The following LVRN variants were observed in gnomAD, a reference collection of about 807,000 sequenced individuals.
LVRN encodes laeverin.
A neutral mutation model predicts 111.4 loss-of-function variants in LVRN; 99 were observed. The observed-to-expected ratio is 0.89, with a 90% CI of 0.76 to 1.05. The LOEUF is 1.05. LVRN is among the 50% of genes least tolerant of loss of function. LVRN has a pLI of 0.00. For missense variants in LVRN, 1,414 were observed against 1,206.8 expected (o/e 1.17, Z -2.54); for synonymous variants, 488 against 449.5 (o/e 1.09, Z -1.08).
At chr5:115,995,894 C>A (rs1411542927) in intron 6 of LVRN, among the ~76,000 whole-genome samples, 1 of 152,178 alleles carries the variant, frequency 6.6e-6, no homozygotes. Flanking sequence ...CTTTTAACCA[C>A]TGTGCTCTAT....
In LVRN at chr5:115,962,668, G is replaced by A. The variant is rs1415347678; in HGVS notation, c.51G>A (p.Leu17=). The change falls in exon 1 of 20, where the codon CTG becomes CTA. Residue 17 remains leucine, a synonymous_variant. Transcript: ENST00000357872. ...SGFYVSRAVA[L]LLAGLVAALL... ...TCTATGTGAGCCGCGCAGTGGCCCTGCTGCTGGCTGGGCTGGTAGCCGCCC... is the reference window on the plus strand; with the variant it reads ...TCTATGTGAGCCGCGCAGTGGCCCTACTGCTGGCTGGGCTGGTAGCCGCCC... 1 of 1,610,042 alleles carries A rather than the reference G, an allele frequency of 6.2e-7. No homozygotes were observed. Among genetic ancestry groups the A allele is most frequent in the Non-Finnish European group, 8.5e-7 (1 of 1,179,480 alleles).
intron 1 of LVRN, among the ~76,000 whole-genome samples, chr5:115,971,064 A>G (rs961363276): frequency 3.9e-5 from 6 of 152,188 alleles, no homozygotes; most frequent in African/African-American, 1.4e-4. Context: ...TAATAGGTGT[A>G]TAGTGTTCTT....
At chr5:116,018,475 C>G (rs1261940248) in intron 18 of LVRN, among the ~76,000 whole-genome samples, 2 of 152,084 alleles carry the variant, frequency 1.3e-5, no homozygotes, top group Non-Finnish European at 2.9e-5. Context: ...GAGTTCGTGA[C>G]CAGCCTGACC....
chr5:115,981,499 C>A (rs1386114368), intron 1 of LVRN, among the ~76,000 whole-genome samples: 2 of 151,984 alleles, frequency 1.3e-5, no homozygotes, highest in African/African-American at 2.4e-5. Context: ...ACATGAGATA[C>A]TTTGATATAG....
chr5:115,970,012 T>G (rs1242271248), intron 1 of LVRN, among the ~76,000 whole-genome samples: 1 of 151,466 alleles, frequency 6.6e-6, no homozygotes, highest in African/African-American at 2.5e-5. Context: ...TGGGTTATCA[T>G]GCACATTTTG....
chr5:115,966,093 A>G (rs1044380657), intron 1 of LVRN, among the ~76,000 whole-genome samples: 1 of 152,220 alleles, frequency 6.6e-6, no homozygotes, highest in African/African-American at 2.4e-5. Context: ...TGACATTGGT[A>G]CTATGCATAT....
intron 6 of LVRN, among the ~76,000 whole-genome samples, chr5:115,997,801 T>C (rs536579236): frequency 7.2e-5 from 11 of 152,348 alleles, no homozygotes; most frequent in African/African-American, 2.2e-4. Flanking sequence ...GCTGACATCA[T>C]GTTTTATGTA....
chr5:115,978,494 C>A (rs1012075255), intron 1 of LVRN, among the ~76,000 whole-genome samples: 1 of 152,068 alleles, frequency 6.6e-6, no homozygotes, highest in Non-Finnish European at 1.5e-5. Context: ...GCATGAGGAC[C>A]CCAGCAGCCT....
chr5:115,966,129 T>A (rs1753196510), intron 1 of LVRN, among the ~76,000 whole-genome samples: 1 of 152,208 alleles, frequency 6.6e-6, no homozygotes, highest in African/African-American at 2.4e-5. Flanking sequence ...ATTTATCATA[T>A]GCGTACATTT....
chr5:116,024,389 A>C (rs1158883827), intron 19 of LVRN, among the ~76,000 whole-genome samples: 2 of 151,904 alleles, frequency 1.3e-5, no homozygotes, highest in East Asian at 3.8e-4. Context: ...ATCCTAAGCA[A>C]AAAAAAAGGA....
At position 115,962,958 on chromosome 5, in the gene LVRN, A is replaced by G. The variant is rs1248456744; in HGVS notation, c.341A>G (p.Gln114Arg). The change falls in exon 1 of 20, where the codon CAG (glutamine) becomes CGG (arginine). Residue 114 changes from glutamine (Q) to arginine (R), a missense_variant. Gln to Arg is a conservative substitution (Grantham distance 43). Coordinates refer to ENST00000357872, the MANE Select transcript of LVRN (RefSeq NM_173800.5). ...PLHYDLELWP[Q>R]LRPDELPAGS... ...CACTACGATCTGGAGCTGTGGCCGC[A>G]GCTGAGGCCCGACGAGCTTCCGGCC... The G allele has an allele frequency of 1.2e-6, 2 of 1,613,094 alleles. No individual in the cohort carries two copies. The highest frequency in any genetic ancestry group is 1.1e-5 in the South Asian group (1 of 91,042).
chr5:116,009,641 G>A (rs1289109603), intron 13 of LVRN, among the ~76,000 whole-genome samples: 1 of 152,130 alleles, frequency 6.6e-6, no homozygotes, highest in Non-Finnish European at 1.5e-5. Context: ...TGACTTTAAG[G>A]GGTTAAGATT....
chr5:115,994,524 C>T (rs1231411397), intron 6 of LVRN, among the ~76,000 whole-genome samples: 3 of 152,206 alleles, frequency 2.0e-5, no homozygotes, highest in Admixed American at 6.5e-5. Flanking sequence ...CCACCAGCCT[C>T]GGCCTCCCAA....
At chr5:116,014,092 A>T (rs1215227717) in intron 15 of LVRN, among the ~76,000 whole-genome samples, 1 of 152,218 alleles carries the variant, frequency 6.6e-6, no homozygotes, top group Non-Finnish European at 1.5e-5. Flanking sequence ...GCAGTAAAAG[A>T]CAGGAAAAAT....
chr5:115,979,904 G>C (rs531392897), intron 1 of LVRN, among the ~76,000 whole-genome samples: 2 of 152,300 alleles, frequency 1.3e-5, no homozygotes, highest in African/African-American at 4.8e-5. Context: ...ATAGCTTACT[G>C]AGTGGATGTA....
rs763616917 is a variant in LVRN at position 115,962,542 on chromosome 5, T to C, written c.-76T>C. 5 of 1,384,572 alleles carry C rather than the reference T, an allele frequency of 3.6e-6. No homozygotes were observed. The highest frequency in any genetic ancestry group is 1.3e-5 in the South Asian group (1 of 79,198). 85.8% of individuals were successfully genotyped at this position (1,384,572 alleles called of 1,614,324 possible). Reference sequence around the variant, plus strand: ...AGAGGAGGGGCAGGGGTCGCAGCACTGAACACCCTGGCCGGGGTTTTGACA... The same window carrying C: ...AGAGGAGGGGCAGGGGTCGCAGCACCGAACACCCTGGCCGGGGTTTTGACA... On this transcript the variant is annotated 5_prime_UTR_variant, in exon 1 of 20. Transcript: ENST00000357872.
In LVRN at chr5:116,015,276, G is replaced by A; in HGVS notation, c.2475G>A (p.Val825=). The A allele has an allele frequency of 6.2e-7, 1 of 1,604,392 alleles. No individual in the cohort carries two copies. Among genetic ancestry groups the A allele is most frequent in the African/African-American group, 1.3e-5 (1 of 74,596 alleles). The change falls in exon 17 of 20, where the codon GTG becomes GTA. Residue 825 remains valine, a synonymous_variant. Coordinates refer to ENST00000357872, the MANE Select transcript of LVRN (RefSeq NM_173800.5). ...ENEIPYPIKD[V]VLCYGIALGS... ...GAATACCTTATCCAATTAAAGATGT[G>A]GTTTTATGTTATGGCATTGCCTTGG... is the stretch of plus-strand genomic sequence containing the variant.
Position 115,984,716 on chromosome 5 carries a change from G to A in LVRN, c.978+7G>A, listed in dbSNP as rs373118440. On this transcript the variant is annotated splice_region_variant and intron_variant, in intron 3 of 19. Coordinates refer to ENST00000357872, the MANE Select transcript of LVRN (RefSeq NM_173800.5). ...AACAGAAAGGGGCAAGGAGGTGAGT[G>A]AGGAAGATTCTGTAGGTAAGGGAGA... 43 of 1,613,190 alleles carry A rather than the reference G, an allele frequency of 2.7e-5. No individual in the cohort carries two copies. The highest frequency in any genetic ancestry group is 3.6e-5 in the Non-Finnish European group (42 of 1,179,588).
At chr5:116,019,358 A>T (rs1290646557) in intron 18 of LVRN, among the ~76,000 whole-genome samples, 1 of 152,170 alleles carries the variant, frequency 6.6e-6, no homozygotes, top group African/African-American at 2.4e-5. Context: ...TGTTGACTGA[A>T]ACATTGTTAT....
Sources: allele counts gnomAD v4.1 joint callset (sites outside exome capture counted in the v4.1 genomes callset), GRCh38; gene constraint gnomAD v4.1.1; transcripts MANE v1.5; gene names NCBI Gene and HGNC (gene_info 2026-07-23, HGNC 2026-07-21).